The following NCAM1 variants were observed in gnomAD, a reference collection of about 807,000 sequenced individuals.
NCAM1 encodes neural cell adhesion molecule 1, also known as antigen recognized by monoclonal antibody 5.1H11.
A neutral mutation model predicts 109.8 loss-of-function variants in NCAM1; 14 were observed. The observed-to-expected ratio is 0.13, with a 90% CI of 0.08 to 0.20. NCAM1 has a LOEUF of 0.20. Among genes scored for constraint, NCAM1 ranks in the 10% least tolerant of loss-of-function variants. NCAM1 has a pLI of 1.00. For synonymous variants in NCAM1, 418 were observed against 442.9 expected, an observed-to-expected ratio of 0.94 and a Z score of 0.70; for missense variants, 774 against 1,109.9, an observed-to-expected ratio of 0.70 and a Z score of 4.30.
intron 1 of NCAM1, among the ~76,000 whole-genome samples, chr11:113,029,518 C>T (rs1474196946): frequency 2.6e-5 from 4 of 152,066 alleles, no homozygotes; most frequent in Admixed American, 6.6e-5. Flanking sequence ...TTTTAGAACG[C>T]AGTGGGGTTA....
rs975386483 is a variant in NCAM1 at position 113,207,283 on chromosome 11, G to A, written c.651G>A (p.Arg217=). The change falls in exon 6 of 20, where the codon AGG becomes AGA. Residue 217 remains arginine (R), a synonymous_variant. Coordinates refer to ENST00000316851, the MANE Select transcript of NCAM1 (RefSeq NM_181351.5). ...IVNVPPTIQA[R]QNIVNATANL... Reference sequence around the variant, plus strand: ...CAGTGCCACCTACCATCCAGGCCAGGCAGAATATTGTGAATGCCACCGCCA... The same window carrying A: ...CAGTGCCACCTACCATCCAGGCCAGACAGAATATTGTGAATGCCACCGCCA... 1.2e-6 allele frequency: 2 copies of A among 1,613,914 alleles called. No individual in the cohort carries two copies. Among genetic ancestry groups the A allele is most frequent in the Non-Finnish European group, 1.7e-6 (2 of 1,179,878 alleles).
intron 7 of NCAM1, among the ~76,000 whole-genome samples, chr11:113,210,396 C>T (rs1036320645): frequency 6.6e-6 from 1 of 152,128 alleles, no homozygotes; most frequent in African/African-American, 2.4e-5. Context: ...CAGGTGGCTC[C>T]TAAGTCCCTT....
chr11:113,201,643 C>G (rs1944065218), intron 1 of NCAM1, among the ~76,000 whole-genome samples: 1 of 152,196 alleles, frequency 6.6e-6, no homozygotes. Flanking sequence ...AGTGGAATGA[C>G]AGAGCATATG....
rs377537926 is a variant in NCAM1, at chr11:113,088,280, A to G, written c.53-114099A>G. 9.8e-5 allele frequency among the ~76,000 whole-genome samples: 15 copies of G among 152,372 alleles called. No homozygotes were observed. In the East Asian group the frequency reaches 2.1e-3, roughly 22 times the overall value. On this transcript the variant is annotated intron_variant, in intron 1 of 19. Transcript: ENST00000316851. ...AATCAGCAATTCACAAAGGAATTATATATATTCCTCAGCCATTGGTAGGTG... is the reference window on the plus strand; with the variant it reads ...AATCAGCAATTCACAAAGGAATTATGTATATTCCTCAGCCATTGGTAGGTG...
chr11:113,032,975 A>G (rs1337399880), intron 1 of NCAM1, among the ~76,000 whole-genome samples: 2 of 152,216 alleles, frequency 1.3e-5, no homozygotes, highest in Non-Finnish European at 2.9e-5. Context: ...CTTGCCTCCC[A>G]TAATTGAAGG....
rs143741547 is a variant in NCAM1 at position 113,249,951 on chromosome 11, C to T, written c.1828+3581C>T. 2.3e-4 allele frequency among the ~76,000 whole-genome samples: 35 copies of T among 152,140 alleles called. 1 individual carries two copies. The East Asian group carries it at 6.8e-3, about 29-fold the overall frequency. ...CCAGATGCCTTAGTGAGTGTGGCTGCGGGGAGCTCAGCATCCTTGCTCTGC... is the reference window on the plus strand; with the variant it reads ...CCAGATGCCTTAGTGAGTGTGGCTGTGGGGAGCTCAGCATCCTTGCTCTGC... On this transcript the variant is annotated intron_variant, in intron 15 of 19. Coordinates refer to ENST00000316851, the MANE Select transcript of NCAM1 (RefSeq NM_181351.5).
chr11:113,165,068 C>T (rs782229589), intron 1 of NCAM1, among the ~76,000 whole-genome samples: 5 of 152,160 alleles, frequency 3.3e-5, no homozygotes, highest in Non-Finnish European at 5.9e-5. Flanking sequence ...CACAGGGACC[C>T]ACTGTCTGCT....
chr11:112,970,951 G>A (rs1052019967), intron 1 of NCAM1, among the ~76,000 whole-genome samples: 1 of 152,074 alleles, frequency 6.6e-6, no homozygotes, highest in Non-Finnish European at 1.5e-5. Flanking sequence ...TTACAAACTC[G>A]AGGAAATTAA....
At chr11:113,241,356 CTGGCA>C (rs1945320321) in intron 14 of NCAM1, among the ~76,000 whole-genome samples, 2 of 152,196 alleles carry the variant, frequency 1.3e-5, no homozygotes, top group African/African-American at 2.4e-5. Flanking sequence ...TAAACAGTGT[CTGGCA>C]GTGTCTGGCA....
intron 1 of NCAM1, among the ~76,000 whole-genome samples, chr11:113,102,198 T>G (rs1939907435): frequency 6.6e-6 from 1 of 152,234 alleles, no homozygotes; most frequent in Admixed American, 6.5e-5. Context: ...CATCCATATT[T>G]AAGTTTTCAG....
At chr11:113,050,674 A>AAC in intron 1 of NCAM1, among the ~76,000 whole-genome samples, 1 of 151,660 alleles carries the variant, frequency 6.6e-6, no homozygotes, top group East Asian at 1.9e-4. Flanking sequence ...AATGTAAAAA[A>AAC]ATGTAGTTCG....
In NCAM1 at chr11:113,269,047, G is replaced by T. The variant is rs1399760280; in HGVS notation, c.2132-1141G>T. 2.0e-5 allele frequency among the ~76,000 whole-genome samples: 3 copies of T among 152,172 alleles called. No individual in the cohort carries two copies. The East Asian group carries it at 5.8e-4, about 29-fold the overall frequency. ...TTAGAAGTGCCCATATTTCAGTCGAGGGTGATTGTTCCCACATCGACTTAA... is the reference window on the plus strand; with the variant it reads ...TTAGAAGTGCCCATATTTCAGTCGATGGTGATTGTTCCCACATCGACTTAA... On this transcript the variant is annotated intron_variant, in intron 17 of 19. Transcript: ENST00000316851.
At chr11:113,251,433 T>A (rs1945673507) in intron 15 of NCAM1, among the ~76,000 whole-genome samples, 2 of 152,212 alleles carry the variant, frequency 1.3e-5, no homozygotes, top group Admixed American at 1.3e-4. Context: ...TTATGGTTTC[T>A]AAGGGAGAAT....
chr11:113,236,311 T>C (rs1555118271), intron 14 of NCAM1: 1 of 1,613,794 alleles, frequency 6.2e-7, no homozygotes, highest in Admixed American at 1.7e-5. Flanking sequence ...ATAGCCCTCC[T>C]CCACGTAAGT....
rs559931529 is a variant in NCAM1 at position 113,134,215 on chromosome 11, C to T, written c.53-68164C>T. The stretch of plus-strand genomic sequence containing the variant: ...GAATTAAACTACTTTACATACTTCG[C>T]GTAGGTGGACTCACATAGTATTTGT... On this transcript the variant is annotated intron_variant, in intron 1 of 19. Transcript: ENST00000316851. 1.2e-4 allele frequency among the ~76,000 whole-genome samples: 18 copies of T among 152,270 alleles called. No homozygotes were observed. The Middle Eastern group carries it at 0.01, about 87-fold the overall frequency.
At chr11:113,016,535 C>A (rs138017265) in intron 1 of NCAM1, among the ~76,000 whole-genome samples, 111 of 152,288 alleles carry the variant, frequency 7.3e-4, no homozygotes, top group African/African-American at 2.3e-3. Flanking sequence ...ACTTGTCATG[C>A]GGTGCAGAAC....
intron 14 of NCAM1, among the ~76,000 whole-genome samples, chr11:113,237,892 A>ATC (rs1565521195): frequency 1.9e-5 from 1 of 52,388 alleles, no homozygotes; most frequent in Non-Finnish European, 4.2e-5. Context: ...AGATATATAG[A>ATC]TATAGATATA....
At chr11:113,193,363 A>G (rs1359668322) in intron 1 of NCAM1, among the ~76,000 whole-genome samples, 5 of 152,196 alleles carry the variant, frequency 3.3e-5, no homozygotes, top group African/African-American at 1.2e-4. Flanking sequence ...AGCGGGCTCC[A>G]GGCACAGTGG....
chr11:113,137,084 G>A (rs1941628640), intron 1 of NCAM1, among the ~76,000 whole-genome samples: 1 of 152,220 alleles, frequency 6.6e-6, no homozygotes, highest in South Asian at 2.1e-4. Flanking sequence ...GGGATACAGA[G>A]TAGCTTAAAG....
Sources: allele counts gnomAD v4.1 joint callset (sites outside exome capture counted in the v4.1 genomes callset), GRCh38; gene constraint gnomAD v4.1.1; transcripts MANE v1.5; gene names NCBI Gene and HGNC (gene_info 2026-07-23, HGNC 2026-07-21).